The following LAMC3 variants were observed in gnomAD, a reference collection of about 807,000 sequenced individuals.
LAMC3 encodes the protein laminin subunit gamma 3, also known as laminin subunit gamma-3.
A neutral mutation model predicts 173.8 loss-of-function variants in LAMC3; 128 were observed. The ratio of observed to expected loss-of-function variants is 0.74; its 90% CI spans 0.64 to 0.85. The LOEUF (loss-of-function observed/expected upper bound fraction) is 0.85, where lower values mean the gene tolerates loss of function less well. Among genes scored for constraint, LAMC3 ranks in the 40% least tolerant of loss-of-function variants. The pLI is 0.00. For synonymous variants in LAMC3, 897 were observed against 909.1 expected (o/e 0.99, Z 0.24); for missense variants, 2,022 against 2,156.0 (o/e 0.94, Z 1.23).
At chr9:131,073,408 AG>A (rs1235355869) in intron 20 of LAMC3, 87 bp downstream of exon 20, 10 of 989,260 alleles carry the variant, frequency 1.0e-5, no homozygotes, top group Non-Finnish European at 1.6e-5. Context: ...GCCCCCACCC[AG>A]AAGTTGGGAT....
At chr9:131,044,993 C>T (rs1377724067) in intron 7 of LAMC3, among the ~76,000 whole-genome samples, 4 of 152,060 alleles carry the variant, frequency 2.6e-5, no homozygotes, top group Non-Finnish European at 4.4e-5. Context: ...GAGGCTGAGG[C>T]GGGCGGATCC....
intron 16 of LAMC3, among the ~76,000 whole-genome samples, chr9:131,069,455 G>C (rs149393913): frequency 6.6e-6 from 1 of 152,190 alleles, no homozygotes; most frequent in Non-Finnish European, 1.5e-5. Context: ...CTGGTCCTCA[G>C]ATCCCGAGGG....
chr9:131,051,660 G>T (rs1264299188), intron 9 of LAMC3, among the ~76,000 whole-genome samples: 17 of 152,118 alleles, frequency 1.1e-4, no homozygotes, highest in Admixed American at 1.0e-3. Context: ...ACAATGCCAG[G>T]CTGCGTATTT....
chr9:131,022,097 G>A (rs563677991), intron 1 of LAMC3, among the ~76,000 whole-genome samples: 7 of 152,286 alleles, frequency 4.6e-5, no homozygotes, highest in African/African-American at 9.6e-5. Flanking sequence ...GGGAACTTTA[G>A]AGTGAAAGGA....
At chr9:131,041,518 T>C in intron 6 of LAMC3, 119 bp from the exon 7 acceptor site, 2 of 864,790 alleles carry the variant, frequency 2.3e-6, no homozygotes, top group Non-Finnish European at 3.8e-6. Flanking sequence ...CCAGGTCAGT[T>C]ACCTGCGTCA....
At chr9:131,032,258 T>TG (rs149260930) in intron 3 of LAMC3, 83 bp downstream of exon 3, 67 of 191,988 alleles carry the variant, frequency 3.5e-4, no homozygotes, top group East Asian at 1.0e-3. Context: ...GGGTGGGGGG[T>TG]GGGGGGGCAC....
intron 1 of LAMC3, among the ~76,000 whole-genome samples, chr9:131,025,161 C>A (rs1588139484): frequency 6.6e-6 from 1 of 152,180 alleles, no homozygotes; most frequent in Admixed American, 6.5e-5. Flanking sequence ...GCACCCCAGG[C>A]TCCCTCTCCG....
Position 131,041,694 on chromosome 9 carries a change from C to CT in LAMC3, c.1342dup (p.Cys448LeufsTer13). 6.2e-7 allele frequency: 1 copy of CT among 1,614,098 alleles called. No homozygotes were observed. The highest frequency in any genetic ancestry group is 8.5e-7 in the Non-Finnish European group (1 of 1,180,038). On this transcript the variant is annotated frameshift_variant, in exon 7 of 28. Coordinates refer to ENST00000361069, the MANE Select transcript of LAMC3 (RefSeq NM_006059.4). LOFTEE classifies it high-confidence loss of function. Reference sequence around the variant, plus strand: ...ACACCTGTGACCCCCGCAGTGGGCGCTGCCCCTGCAAAGAGAATGTGGAAG... The same window carrying CT: ...ACACCTGTGACCCCCGCAGTGGGCGCTTGCCCCTGCAAAGAGAATGTGGAAG...
At chr9:131,072,405 T>C (rs1388460462) in intron 18 of LAMC3, among the ~76,000 whole-genome samples, 1 of 152,194 alleles carries the variant, frequency 6.6e-6, no homozygotes, top group East Asian at 1.9e-4. Context: ...CCGGTCCCTG[T>C]GTATGACTGA....
Position 131,072,740 on chromosome 9 carries a change from T to C in LAMC3, c.3322T>C (p.Ser1108Pro), listed in dbSNP as rs772120686. ...NKGARCAQAG[S>P]QKTCTQLADL... is the part of the protein sequence containing the mutation. ...GGGTGCCCGCTGTGCCCAGGCCGGA[T>C]CCCAGAAGACCTGCACCCAGCTGGC... Residue 1108 changes from serine (S) to proline (P), a missense_variant, in exon 19 of 28, where the codon TCC becomes CCC. Transcript: ENST00000361069. The C allele has an allele frequency of 6.2e-7, 1 of 1,613,068 alleles. No homozygotes were observed. Among genetic ancestry groups the C allele is most frequent in the Non-Finnish European group, 8.5e-7 (1 of 1,179,776 alleles).
At chr9:131,071,370 G>A in intron 17 of LAMC3, 114 bp from the exon 18 acceptor site, 1 of 1,247,208 alleles carries the variant, frequency 8.0e-7, no homozygotes, top group East Asian at 2.3e-5. Flanking sequence ...GCCCAGGGGA[G>A]GATTTGGAGA....
At position 131,026,550 on chromosome 9, in the gene LAMC3, G is replaced by A. The variant is rs1276602418; in HGVS notation, c.639G>A (p.Arg213=). The change falls in exon 2 of 28, where the codon CGG becomes CGA. Residue 213 remains arginine, a synonymous_variant. Coordinates refer to ENST00000361069, the MANE Select transcript of LAMC3 (RefSeq NM_006059.4). This position sits in a 1 kb window ranked among gnomAD's most constrained non-coding sequence, Gnocchi z 4.8. Reference sequence around the variant, plus strand: ...TGGCCTTCTCCACCCTGGAGGGCCGGCCCAGCGCCTACAACTTCGAGGAGA... The same window carrying A: ...TGGCCTTCTCCACCCTGGAGGGCCGACCCAGCGCCTACAACTTCGAGGAGA... ...GNVAFSTLEG[R]PSAYNFEESP... is the part of the protein sequence containing the mutation. 1 of 1,608,078 alleles carries A rather than the reference G, an allele frequency of 6.2e-7. No homozygotes were observed. The highest frequency in any genetic ancestry group is 8.5e-7 in the Non-Finnish European group (1 of 1,177,908).
intron 18 of LAMC3, 28 bp downstream of exon 18, chr9:131,071,653 T>A: frequency 1.3e-6 from 2 of 1,519,100 alleles, no homozygotes; most frequent in Non-Finnish European, 1.8e-6. Flanking sequence ...AGCGGGAGGG[T>A]GGGAGGCAAG....
intron 27 of LAMC3, among the ~76,000 whole-genome samples, chr9:131,090,491 C>T (rs1376671891): frequency 6.6e-6 from 1 of 152,232 alleles, no homozygotes; most frequent in Non-Finnish European, 1.5e-5. Flanking sequence ...GCCTTGGCTC[C>T]CCTCTGCCTT....
intron 1 of LAMC3, among the ~76,000 whole-genome samples, chr9:131,018,884 C>T (rs1833578770): frequency 1.3e-5 from 2 of 152,234 alleles, no homozygotes; most frequent in South Asian, 2.1e-4. Context: ...TGGCTAATGG[C>T]TGCTCATCCT....
At chr9:131,058,358 C>G (rs1291258756) in intron 12 of LAMC3, among the ~76,000 whole-genome samples, 1 of 152,028 alleles carries the variant, frequency 6.6e-6, no homozygotes, top group Non-Finnish European at 1.5e-5. Flanking sequence ...AGTGATCCTC[C>G]TGCTTCAGCC....
chr9:131,055,601 T>C (rs1349274694), intron 11 of LAMC3, among the ~76,000 whole-genome samples: 2 of 148,704 alleles, frequency 1.3e-5, no homozygotes, highest in East Asian at 3.9e-4. Flanking sequence ...ATTTTTTGTA[T>C]TTTTTAGTAG....
chr9:131,042,604 C>G (rs995010275), intron 7 of LAMC3, among the ~76,000 whole-genome samples: 1 of 152,048 alleles, frequency 6.6e-6, no homozygotes, highest in Non-Finnish European at 1.5e-5. Flanking sequence ...ACAGCCTCCC[C>G]CTTTCATACC....
chr9:131,041,644 A>G lies in LAMC3; in HGVS notation c.1291A>G (p.Thr431Ala), dbSNP rs918567062. The G allele has an allele frequency of 6.2e-7, 1 of 1,614,030 alleles. No individual in the cohort carries two copies. The highest frequency in any genetic ancestry group is 8.5e-7 in the Non-Finnish European group (1 of 1,179,984). ...SLSEGGCRPC[T>A]CNPAGSLDTC... is the part of the protein sequence containing the mutation. ...GTCCTGTCTCATTGGCAGACCCTGC[A>G]CTTGCAATCCCGCTGGCAGCCTGGA... Residue 431 changes from threonine to alanine, a missense_variant, in exon 7 of 28, where the codon ACT becomes GCT. Thr to Ala is a moderately conservative substitution (Grantham distance 58). Coordinates refer to ENST00000361069, the MANE Select transcript of LAMC3 (RefSeq NM_006059.4).
Sources: allele counts gnomAD v4.1 joint callset (sites outside exome capture counted in the v4.1 genomes callset), GRCh38; gene constraint gnomAD v4.1.1; non-coding constraint Gnocchi (gnomAD v3.1); transcripts MANE v1.5; gene names NCBI Gene and HGNC (gene_info 2026-07-23, HGNC 2026-07-21).